The following MS4A15 variants were observed in gnomAD, a reference collection of about 807,000 sequenced individuals.
MS4A15 encodes the protein membrane-spanning 4-domains subfamily A member 15.
A neutral mutation model predicts 20.6 loss-of-function variants in MS4A15; 22 were observed. That is an observed-to-expected ratio of 1.07 (90% CI 0.76 to 1.52). The LOEUF (loss-of-function observed/expected upper bound fraction) is 1.52. Among genes scored for constraint, MS4A15 ranks in the 40% most tolerant of loss-of-function variants. The probability of loss-of-function intolerance (pLI) is 0.00; values close to 1 mark genes in which losing one functional copy is unlikely to be tolerated. For synonymous variants in MS4A15, 129 were observed against 129.3 expected, an observed-to-expected ratio of 1.00 and a Z score of 0.02; for missense variants, 312 against 323.0, an observed-to-expected ratio of 0.97 and a Z score of 0.26.
intron 1 of MS4A15, among the ~76,000 whole-genome samples, chr11:60,763,041 G>C (rs1003588100): frequency 2.6e-5 from 4 of 152,148 alleles, no homozygotes; most frequent in Non-Finnish European, 5.9e-5. Flanking sequence ...AGATGCTGGG[G>C]TGGACTCTCT....
At chr11:60,771,131 G>A (rs765361769) in intron 3 of MS4A15, among the ~76,000 whole-genome samples, 160 bp from the exon 4 acceptor site, 1 of 152,160 alleles carries the variant, frequency 6.6e-6, no homozygotes, top group Non-Finnish European at 1.5e-5. Flanking sequence ...CTCTGGACAG[G>A]GGACACCCCT....
intron 6 of MS4A15, among the ~76,000 whole-genome samples, chr11:60,774,772 G>A (rs1481057259): frequency 1.3e-5 from 2 of 152,258 alleles, no homozygotes; most frequent in Non-Finnish European, 2.9e-5. Context: ...CCTCGGGCAG[G>A]CAAATGCAGG....
intron 1 of MS4A15, among the ~76,000 whole-genome samples, chr11:60,758,808 A>G (rs1853652493): frequency 6.6e-6 from 1 of 152,244 alleles, no homozygotes; most frequent in South Asian, 2.1e-4. Context: ...GCTTCATGCC[A>G]CTACTGTCTT....
At chr11:60,764,963 T>C (rs552758515) in intron 2 of MS4A15, among the ~76,000 whole-genome samples, 9 of 152,170 alleles carry the variant, frequency 5.9e-5, no homozygotes, top group Admixed American at 2.0e-4. Flanking sequence ...AGAGTTTATG[T>C]GAGCTAAGAA....
Position 60,773,887 on chromosome 11 carries a change from G to T in MS4A15, c.549G>T (p.Glu183Asp). 6.2e-7 allele frequency: 1 copy of T among 1,614,216 alleles called. No individual in the cohort carries two copies. The highest frequency in any genetic ancestry group is 8.5e-7 in the Non-Finnish European group (1 of 1,180,044). Residue 183 changes from glutamate (E) to aspartate (D), a missense_variant, in exon 6 of 7, where the codon GAG becomes GAT. Glu to Asp is a conservative substitution (Grantham distance 45). Coordinates refer to ENST00000405633, the MANE Select transcript of MS4A15 (RefSeq NM_001098835.2). ...LAVLTIFTVL[E>D]FFTAVIAMHF... Reference sequence around the variant, plus strand: ...TGCTTACTATCTTCACTGTCCTGGAGTTCTTCACAGCGGTCATTGCCATGC... The same window carrying T: ...TGCTTACTATCTTCACTGTCCTGGATTTCTTCACAGCGGTCATTGCCATGC...
At chr11:60,760,501 T>C (rs1227328945) in intron 1 of MS4A15, among the ~76,000 whole-genome samples, 1 of 152,198 alleles carries the variant, frequency 6.6e-6, no homozygotes, top group Non-Finnish European at 1.5e-5. Flanking sequence ...TATATAGACC[T>C]AATACATGCT....
chr11:60,774,528 C>G (rs1432106644), intron 6 of MS4A15, among the ~76,000 whole-genome samples: 3 of 152,246 alleles, frequency 2.0e-5, no homozygotes, highest in Non-Finnish European at 4.4e-5. Flanking sequence ...TGCAGCCCCA[C>G]AGGCAGCCTT....
chr11:60,773,384 C>A lies in MS4A15; in HGVS notation c.406-8C>A. The A allele has an allele frequency of 6.2e-7, 1 of 1,610,194 alleles. No homozygotes were observed. The highest frequency in any genetic ancestry group is 8.5e-7 in the Non-Finnish European group (1 of 1,178,144). On this transcript the variant is annotated splice_region_variant and splice_polypyrimidine_tract_variant and intron_variant, in intron 4 of 6. Transcript: ENST00000405633. ...TTCCCTCTGCTCCTGTCTCTCTGCT[C>A]TCTGCAGGTGAGGAGCAGCCTGGGC...
rs570650198 is a variant in MS4A15, at chr11:60,767,684, G to A, written c.348+29G>A. 2.6e-6 allele frequency: 4 copies of A among 1,519,050 alleles called. No individual in the cohort carries two copies. The South Asian group carries it at 5.0e-5, about 19-fold the overall frequency. 94.1% of individuals were successfully genotyped at this position (1,519,050 alleles called of 1,614,324 possible). A position where few individuals can be genotyped will look rare whatever the true frequency, so the allele number is the denominator to read the frequency against. On this transcript the variant is annotated intron_variant, in intron 3 of 6. Coordinates refer to ENST00000405633, the MANE Select transcript of MS4A15 (RefSeq NM_001098835.2). ...AGTGCCGGGGCCATGGAGAGGGAGGGTAGGGGGATGCTGCCCAGGCTCACC... is the reference window on the plus strand; with the variant it reads ...AGTGCCGGGGCCATGGAGAGGGAGGATAGGGGGATGCTGCCCAGGCTCACC...
In MS4A15 at chr11:60,763,919, C is replaced by T. The variant is rs759803264; in HGVS notation, c.186C>T (p.Pro62=). 6 of 1,612,898 alleles carry T rather than the reference C, an allele frequency of 3.7e-6. No individual in the cohort carries two copies. Among genetic ancestry groups the T allele is most frequent in the South Asian group, 3.3e-5 (3 of 91,028 alleles). The change falls in exon 2 of 7, where the codon CCC becomes CCT. Residue 62 remains proline (P), a synonymous_variant. Transcript: ENST00000405633. ...PRATQPPDLR[P]VETFLTGEPK... ...CCACACAGCCACCTGACTTGCGGCC[C>T]GTGGAGACATTCCTGACAGGAGAGC...
rs140323605 is a variant in MS4A15 at position 60,770,345 on chromosome 11, A to G, written c.349-946A>G. 4.4e-3 allele frequency among the ~76,000 whole-genome samples: 676 copies of G among 152,218 alleles called. 2 individuals are homozygous for G. The highest frequency in any genetic ancestry group is 0.015 in the African/African-American group (641 of 41,548). ...CCGGGCACGGTGGCTGATGACTGTA[A>G]TCCCAGCACTTTGGGAGGCCAAGTC... On this transcript the variant is annotated intron_variant, in intron 3 of 6. Transcript: ENST00000405633.
chr11:60,772,068 T>C (rs1260837981), intron 4 of MS4A15, among the ~76,000 whole-genome samples: 1 of 152,130 alleles, frequency 6.6e-6, no homozygotes, highest in Non-Finnish European at 1.5e-5. Flanking sequence ...CAGGATAATA[T>C]GAGTCATTCT....
intron 3 of MS4A15, 77 bp from the exon 4 acceptor site, chr11:60,771,214 C>T: frequency 6.4e-7 from 1 of 1,562,522 alleles, no homozygotes; most frequent in African/African-American, 1.4e-5. Flanking sequence ...CCTGGCACCT[C>T]TTGACAGATC....
In MS4A15 at chr11:60,775,797, GGGGCCAGCCCCATCCCA is replaced by G. The variant is rs1453933107; in HGVS notation, c.*84_*100del. ...CTCCCCACCCCCACCTTGTTCATCAGGGGCCAGCCCCATCCCAGCTGCCCTCCCTCACCACATCTACA... is the reference window on the plus strand; with the variant it reads ...CTCCCCACCCCCACCTTGTTCATCAGGCTGCCCTCCCTCACCACATCTACA... On this transcript the variant is annotated 3_prime_UTR_variant, in exon 7 of 7. Transcript: ENST00000405633. The G allele has an allele frequency of 2.2e-4, 255 of 1,140,814 alleles. No homozygotes were observed. Among genetic ancestry groups the G allele is most frequent in the Non-Finnish European group, 8.3e-5 (66 of 791,346 alleles). The allele number at this position is 1,140,814 out of a possible 1,614,324, so 70.7% of individuals were successfully genotyped here. A position where few individuals can be genotyped will look rare whatever the true frequency, so the allele number is the denominator to read the frequency against.
Position 60,773,444 on chromosome 11 carries a change from G to T in MS4A15, c.458G>T (p.Gly153Val), listed in dbSNP as rs979685168. The part of the protein sequence containing the change: ...NILSVMAAFA[G>V]TAILLMDFGV... ...CTCAGCGTCATGGCGGCCTTTGCTG[G>T]GACAGCCATTCTGCTCATGGATTTT... Residue 153 changes from glycine (G) to valine (V), a missense_variant, in exon 5 of 7, where the codon GGG (glycine) becomes GTG (valine). Gly to Val is a moderately radical substitution (Grantham distance 109, BLOSUM62 -3). Transcript: ENST00000405633. 2.5e-6 allele frequency: 4 copies of T among 1,613,758 alleles called. No individual in the cohort carries two copies. The highest frequency in any genetic ancestry group is 1.7e-5 in the Admixed American group (1 of 60,006).
intron 1 of MS4A15, among the ~76,000 whole-genome samples, chr11:60,763,137 A>G (rs1390894915): frequency 6.6e-6 from 1 of 151,760 alleles, no homozygotes; most frequent in African/African-American, 2.4e-5. Context: ...TGCAAGCTAT[A>G]AACTCTGCAT....
At chr11:60,771,183 A>T (rs1220637461) in intron 3 of MS4A15, 108 bp from the exon 4 acceptor site, 2 of 1,282,296 alleles carry the variant, frequency 1.6e-6, no homozygotes, top group Non-Finnish European at 2.2e-6. Flanking sequence ...AGAAAGTGGC[A>T]TCAGGAGGCT....
chr11:60,757,268 C>T (rs1853619503), intron 1 of MS4A15, among the ~76,000 whole-genome samples: 1 of 152,220 alleles, frequency 6.6e-6, no homozygotes, highest in Non-Finnish European at 1.5e-5. Context: ...CCTTGGTTTC[C>T]TGATCAAGGA....
chr11:60,770,604 T>G (rs1301585741), intron 3 of MS4A15, among the ~76,000 whole-genome samples: 1 of 144,474 alleles, frequency 6.9e-6, no homozygotes, highest in African/African-American at 2.6e-5. Context: ...TCTTAGAAAA[T>G]AAAATAAAAA....
Sources: gnomAD v4.1 joint callset for allele counts (sites outside exome capture counted in the v4.1 genomes callset) on GRCh38, gnomAD v4.1.1 for gene constraint, MANE v1.5 for transcripts, NCBI Gene and HGNC (gene_info 2026-07-23, HGNC 2026-07-21) for gene names.